CTCF: variants seen among roughly 807,000 people sequenced by gnomAD.
The protein encoded by CTCF is transcriptional repressor CTCF.
Under a neutral mutation model 72.3 loss-of-function variants are expected in CTCF, and 7 were observed. The observed-to-expected ratio is 0.10, with a 90% CI of 0.06 to 0.18. The LOEUF is 0.18. Among genes scored for constraint, CTCF ranks in the 10% least tolerant of loss-of-function variants. CTCF has a pLI of 1.00. For synonymous variants in CTCF, 374 were observed against 315.8 expected (o/e 1.18, Z -1.95); for missense variants, 516 against 949.1 (o/e 0.54, Z 6.00).
chr16:67,581,378 A>G (rs2051579989), intron 2 of CTCF, among the ~76,000 whole-genome samples: 2 of 149,742 alleles, frequency 1.3e-5, no homozygotes, highest in South Asian at 4.2e-4. Flanking sequence ...GCTGGAGTGC[A>G]GTGGCATGAT....
At position 67,622,534 on chromosome 16, in the gene CTCF, G is replaced by A. The variant is rs781771423; in HGVS notation, c.1357+943G>A. ...TGTAGCTGGGCCCTCACTGCTCCTA[G>A]CTGTTCCAGCTGTTTGTTCTTGTCA... On this transcript the variant is annotated intron_variant, in intron 7 of 11. Coordinates refer to ENST00000264010, the MANE Select transcript of CTCF (RefSeq NM_006565.4). Among the ~76,000 whole-genome samples the A allele has an allele frequency of 3.9e-5, 6 of 152,116 alleles. No individual in the cohort carries two copies. In the Middle Eastern group the frequency reaches 0.01, roughly 259 times the overall value.
At chr16:67,599,221 C>T (rs1452309338) in intron 2 of CTCF, among the ~76,000 whole-genome samples, 5 of 152,128 alleles carry the variant, frequency 3.3e-5, no homozygotes, top group African/African-American at 1.2e-4. Context: ...GTGGTGAAAC[C>T]TCGTCTCTAG....
intron 10 of CTCF, among the ~76,000 whole-genome samples, chr16:67,631,160 T>TTTTTTTTGTTTG (rs2052358232): frequency 7.4e-6 from 1 of 135,600 alleles, no homozygotes; most frequent in African/African-American, 2.8e-5. Context: ...GTTTGTTTTT[T>TTTTTTTTGTTTG]TTTTGTTTTT....
At chr16:67,626,033 G>A (rs767630742) in intron 7 of CTCF, among the ~76,000 whole-genome samples, 1 of 151,870 alleles carries the variant, frequency 6.6e-6, no homozygotes, top group African/African-American at 2.4e-5. Context: ...CCTTGTCCCA[G>A]CCACCATCTT....
At chr16:67,606,386 C>T (rs2051973528) in intron 2 of CTCF, among the ~76,000 whole-genome samples, 4 of 152,344 alleles carry the variant, frequency 2.6e-5, no homozygotes, top group African/African-American at 9.6e-5. Flanking sequence ...GTTATGTTAT[C>T]TTTCTCCAAA....
chr16:67,634,927 T>G (rs893805490), intron 10 of CTCF, among the ~76,000 whole-genome samples: 18 of 152,082 alleles, frequency 1.2e-4, no homozygotes, highest in Non-Finnish European at 2.1e-4. Flanking sequence ...TGTCTCGAAC[T>G]CCTAACCTCA....
intron 7 of CTCF, among the ~76,000 whole-genome samples, chr16:67,622,476 A>T (rs911245335): frequency 1.3e-5 from 2 of 152,146 alleles, no homozygotes; most frequent in Non-Finnish European, 2.9e-5. Flanking sequence ...TACAACTTGT[A>T]GTACCGTAAA....
intron 4 of CTCF, chr16:67,612,552 T>C (rs1005175206): frequency 6.6e-6 from 1 of 151,616 alleles, no homozygotes; most frequent in African/African-American, 2.5e-5. Flanking sequence ...ATCCCACCAC[T>C]GCACTCCAGC....
intron 2 of CTCF, among the ~76,000 whole-genome samples, chr16:67,599,024 T>TGG (rs1180847246): frequency 1.3e-5 from 2 of 152,094 alleles, no homozygotes; most frequent in Non-Finnish European, 2.9e-5. Context: ...AATCGTGCAT[T>TGG]GGGGTTGAGG....
intron 2 of CTCF, among the ~76,000 whole-genome samples, chr16:67,585,299 C>G (rs2051654818): frequency 6.6e-6 from 1 of 152,210 alleles, no homozygotes; most frequent in South Asian, 2.1e-4. Flanking sequence ...ATCCACCCAC[C>G]TTGGCCTCCC....
At position 67,620,744 on chromosome 16, in the gene CTCF, G is replaced by A. The variant is rs140085378; in HGVS notation, c.1134G>A (p.Pro378=). 4.8e-5 allele frequency: 77 copies of A among 1,602,376 alleles called. No individual in the cohort carries two copies. In the African/African-American group the frequency reaches 9.1e-4, roughly 19 times the overall value. Residue 378 remains proline (P), a synonymous_variant, in exon 6 of 12, where the codon CCG becomes CCA. Coordinates refer to ENST00000264010, the MANE Select transcript of CTCF (RefSeq NM_006565.4). The part of the protein sequence containing the change: ...RHIRSHTGER[P]FQCSLCSYAS... Reference sequence around the variant, plus strand: ...TTCGCTCTCATACTGGAGAGCGTCCGTTTCAGTGCAGTTTGTGCAGTTATG... The same window carrying A: ...TTCGCTCTCATACTGGAGAGCGTCCATTTCAGTGCAGTTTGTGCAGTTATG...
In CTCF at chr16:67,611,498, T is replaced by C. The variant is rs2052062326; in HGVS notation, c.666T>C (p.Asp222=). The change falls in exon 3 of 12, where the codon GAT becomes GAC. Residue 222 remains aspartate (D), a synonymous_variant. Transcript: ENST00000264010. ...LRYTEEGKDV[D]VSVYDFEEEQ... is the part of the protein sequence containing the mutation. ...ATACAGAGGAGGGCAAAGATGTAGA[T>C]GTGTCTGTCTACGATTTTGAGGAAG... 2 of 1,614,162 alleles carry C rather than the reference T, an allele frequency of 1.2e-6. No individual in the cohort carries two copies. Among genetic ancestry groups the C allele is most frequent in the South Asian group, 1.1e-5 (1 of 91,084 alleles).
rs940561784 is a variant in CTCF at position 67,626,326 on chromosome 16, G to T, written c.1358-229G>T. 2.0e-5 allele frequency among the ~76,000 whole-genome samples: 3 copies of T among 151,708 alleles called. 1 individual carries two copies. The South Asian group carries it at 6.3e-4, about 32-fold the overall frequency. ...AAATTAGCCGGGCATGGTGGCGGGC[G>T]CCTGTAGTCCCAGCTACTCAGGAGG... On this transcript the variant is annotated intron_variant, in intron 7 of 11. Transcript: ENST00000264010.
chr16:67,616,379 C>T (rs2052132052), intron 4 of CTCF: 1 of 181,394 alleles, frequency 5.5e-6, no homozygotes. Context: ...AACTCTTAGC[C>T]TCCCAGAGTT....
chr16:67,577,398 T>A (rs2051512032), intron 2 of CTCF, among the ~76,000 whole-genome samples: 1 of 150,346 alleles, frequency 6.7e-6, no homozygotes, highest in Admixed American at 6.6e-5. Flanking sequence ...ATAAAAGGTG[T>A]TTTTGCCTAG....
chr16:67,571,840 A>G (rs924154061), intron 2 of CTCF, among the ~76,000 whole-genome samples: 2 of 152,262 alleles, frequency 1.3e-5, no homozygotes, highest in East Asian at 1.9e-4. Context: ...TTAGCCTGTA[A>G]TTTTTGCTAT....
At chr16:67,595,309 C>T (rs1051672647) in intron 2 of CTCF, among the ~76,000 whole-genome samples, 1 of 152,194 alleles carries the variant, frequency 6.6e-6, no homozygotes, top group Non-Finnish European at 1.5e-5. Flanking sequence ...AGGTACAAAC[C>T]ACCATGTCTG....
intron 2 of CTCF, among the ~76,000 whole-genome samples, chr16:67,592,942 G>T (rs1236717910): frequency 6.7e-6 from 1 of 149,666 alleles, no homozygotes; most frequent in Non-Finnish European, 1.5e-5. Context: ...CAGGAGAATC[G>T]GTTGAACCTG....
intron 2 of CTCF, among the ~76,000 whole-genome samples, chr16:67,595,771 T>C (rs1392923901): frequency 6.6e-6 from 1 of 152,122 alleles, no homozygotes; most frequent in Non-Finnish European, 1.5e-5. Flanking sequence ...AGTGATTCCA[T>C]TCTGCCTCTC....
Sources: allele counts gnomAD v4.1 joint callset (sites outside exome capture counted in the v4.1 genomes callset), GRCh38; gene constraint gnomAD v4.1.1; transcripts MANE v1.5; gene names NCBI Gene and HGNC (gene_info 2026-07-23, HGNC 2026-07-21).